Variants in DENND1A observed in about 807,000 individuals in gnomAD.
DENND1A encodes DENN domain-containing protein 1A.
A neutral mutation model predicts 113.7 loss-of-function variants in DENND1A; 51 were observed. That is an observed-to-expected ratio of 0.45 (90% CI 0.36 to 0.57). The LOEUF is 0.57. Among genes scored for constraint, DENND1A ranks in the 20% least tolerant of loss-of-function variants. The pLI, the probability that DENND1A is intolerant of heterozygous loss-of-function variation, is 0.00. For missense variants in DENND1A, 1,258 were observed against 1,395.9 expected, an observed-to-expected ratio of 0.90 and a Z score of 1.57; for synonymous variants, 565 against 570.8, an observed-to-expected ratio of 0.99 and a Z score of 0.14.
chr9:123,386,837 C>A (rs976436640), intron 22 of DENND1A, among the ~76,000 whole-genome samples: 28 of 152,164 alleles, frequency 1.8e-4, no homozygotes, highest in Admixed American at 1.8e-3. Flanking sequence ...CCCAGAGGAA[C>A]CCACAGGCCA....
chr9:123,439,070 C>T (rs987453632), intron 19 of DENND1A, among the ~76,000 whole-genome samples: 7 of 152,226 alleles, frequency 4.6e-5, no homozygotes, highest in Non-Finnish European at 1.0e-4. Context: ...CAACCAGGGG[C>T]TGTGCTTTCA....
intron 13 of DENND1A, among the ~76,000 whole-genome samples, chr9:123,462,658 G>T (rs924619213): frequency 6.6e-6 from 1 of 152,144 alleles, no homozygotes; most frequent in Non-Finnish European, 1.5e-5. Flanking sequence ...TTAGCTGGGC[G>T]TGTTGGCGCA....
chr9:123,923,390 C>T (rs893047778), intron 1 of DENND1A, among the ~76,000 whole-genome samples: 2 of 152,188 alleles, frequency 1.3e-5, no homozygotes, highest in Non-Finnish European at 1.5e-5. Context: ...TCTCTACATT[C>T]TCCTTTGGGG....
At chr9:123,690,052 A>AGGAG (rs1299187082) in intron 5 of DENND1A, among the ~76,000 whole-genome samples, 18 of 103,808 alleles carry the variant, frequency 1.7e-4, no homozygotes, top group East Asian at 3.4e-4. Context: ...GAAGAAGGAA[A>AGGAG]GGAGGGAGGG....
chr9:123,588,829 A>G (rs1197312724), intron 11 of DENND1A, among the ~76,000 whole-genome samples: 2 of 150,046 alleles, frequency 1.3e-5, no homozygotes, highest in East Asian at 4.0e-4. Flanking sequence ...GTGCAGTGGC[A>G]TGATCTTGGC....
intron 13 of DENND1A, among the ~76,000 whole-genome samples, chr9:123,469,231 G>C (rs2133306122): frequency 6.6e-6 from 1 of 152,366 alleles, no homozygotes; most frequent in East Asian, 1.9e-4. Context: ...CTGGGCCCCT[G>C]TCACTATAAC....
rs201469755 is a variant in DENND1A, at chr9:123,457,869, G to A, written c.1022C>T (p.Ala341Val). The A allele has an allele frequency of 7.4e-6, 12 of 1,612,400 alleles. No individual in the cohort carries two copies. In the African/African-American group the frequency reaches 1.3e-4, roughly 18 times the overall value. Residue 341 changes from alanine (A) to valine (V), a missense_variant, in exon 14 of 24, where the codon GCC becomes GTC. Coordinates refer to ENST00000394215, the MANE Select transcript of DENND1A (RefSeq NM_001352964.2). The stretch of plus-strand genomic sequence containing the variant: ...TCCGGAGCGGTAGTGGGACACGAAG[G>A]CTTCCTCACAGAAAGTGATCGGCTC... ...PEEPITFCEE[A>V]FVSHYRSGAM...
chr9:123,914,717 G>C (rs73577782), intron 1 of DENND1A, among the ~76,000 whole-genome samples: 11,760 of 151,740 alleles, frequency 0.078, 782 homozygotes, highest in African/African-American at 0.18. Flanking sequence ...CACATAGTGA[G>C]AGTGAAACAA....
chr9:123,637,110 G>T (rs374097909), intron 9 of DENND1A, among the ~76,000 whole-genome samples: 4 of 152,336 alleles, frequency 2.6e-5, no homozygotes, highest in African/African-American at 9.6e-5. Context: ...GATGGTCACA[G>T]TCATTCTTTC....
chr9:123,861,109 AG>A (rs1844996886), intron 2 of DENND1A, among the ~76,000 whole-genome samples: 2 of 152,224 alleles, frequency 1.3e-5, no homozygotes, highest in African/African-American at 4.8e-5. Flanking sequence ...AGGGATCTTA[AG>A]GTAGTCCAGT....
chr9:123,481,214 A>G (rs2050308594), intron 13 of DENND1A, among the ~76,000 whole-genome samples: 1 of 152,248 alleles, frequency 6.6e-6, no homozygotes, highest in Non-Finnish European at 1.5e-5. Context: ...TAGAATCTGC[A>G]GAGGCCGACT....
chr9:123,740,483 A>G (rs1437592144), intron 5 of DENND1A, among the ~76,000 whole-genome samples: 1 of 152,168 alleles, frequency 6.6e-6, no homozygotes, highest in African/African-American at 2.4e-5. Flanking sequence ...CTTTCCCTGA[A>G]TGAGCAAGGA....
At chr9:123,790,936 C>G (rs1832906693) in intron 3 of DENND1A, among the ~76,000 whole-genome samples, 1 of 152,080 alleles carries the variant, frequency 6.6e-6, no homozygotes, top group Non-Finnish European at 1.5e-5. Flanking sequence ...TATTTTCTTT[C>G]TTTTCATTCT....
At chr9:123,396,275 C>G (rs1459262446) in intron 21 of DENND1A, among the ~76,000 whole-genome samples, 3 of 152,230 alleles carry the variant, frequency 2.0e-5, no homozygotes, top group Non-Finnish European at 4.4e-5. Context: ...CCATAGCCTC[C>G]AGGCTGGTGC....
chr9:123,836,511 T>G (rs1841074086), intron 2 of DENND1A, among the ~76,000 whole-genome samples: 1 of 152,050 alleles, frequency 6.6e-6, no homozygotes, highest in African/African-American at 2.4e-5. Flanking sequence ...TAATATACTT[T>G]TTTACAAAAA....
At chr9:123,757,928 G>T in intron 4 of DENND1A, 106 bp from the exon 5 acceptor site, 1 of 1,331,100 alleles carries the variant, frequency 7.5e-7, no homozygotes, top group Non-Finnish European at 1.0e-6. Flanking sequence ...CTCTCTCAGT[G>T]GAACTCTTAA....
At chr9:123,751,771 C>T (rs895717433) in intron 5 of DENND1A, 1 of 152,140 alleles carries the variant, frequency 6.6e-6, no homozygotes, top group African/African-American at 2.4e-5. Flanking sequence ...GTTCTCACTG[C>T]CTAGAGAGCT....
intron 10 of DENND1A, among the ~76,000 whole-genome samples, chr9:123,621,754 A>G (rs867038747): frequency 6.6e-5 from 10 of 152,210 alleles, no homozygotes; most frequent in Admixed American, 2.0e-4. Context: ...AATATCAACA[A>G]TTCCACTTAA....
intron 13 of DENND1A, among the ~76,000 whole-genome samples, chr9:123,519,774 G>A (rs898949395): frequency 3.3e-5 from 5 of 152,094 alleles, no homozygotes; most frequent in Admixed American, 1.3e-4. Context: ...GTGATGGGCT[G>A]GAGCAGAGGC....
Sources: allele counts gnomAD v4.1 joint callset (sites outside exome capture counted in the v4.1 genomes callset), GRCh38; gene constraint gnomAD v4.1.1; transcripts MANE v1.5; gene names NCBI Gene and HGNC (gene_info 2026-07-23, HGNC 2026-07-21).